CSMD2: variants seen among roughly 807,000 people sequenced by gnomAD.
CSMD2 encodes the protein CUB and Sushi multiple domains 2, also known as CUB and sushi domain-containing protein 2.
Under a neutral mutation model 398.5 loss-of-function variants are expected in CSMD2, and 130 were observed. That is an observed-to-expected ratio of 0.33 (90% CI 0.28 to 0.38). The LOEUF (loss-of-function observed/expected upper bound fraction) is 0.38. Among genes scored for constraint, CSMD2 ranks in the 10% least tolerant of loss-of-function variants. The pLI is 1.00. For missense variants in CSMD2, 3,829 were observed against 4,764.9 expected (o/e 0.80, Z 5.78); for synonymous variants, 1,828 against 1,908.5 (o/e 0.96, Z 1.10).
chr1:34,090,713 T>C (rs1478466438), intron 1 of CSMD2, among the ~76,000 whole-genome samples: 1 of 152,198 alleles, frequency 6.6e-6, no homozygotes, highest in Non-Finnish European at 1.5e-5. Flanking sequence ...TATTAACTCC[T>C]AACTGGTCAG....
chr1:34,094,294 CT>C (rs1659006796), intron 1 of CSMD2, among the ~76,000 whole-genome samples: 1 of 152,126 alleles, frequency 6.6e-6, no homozygotes, highest in African/African-American at 2.4e-5. Flanking sequence ...GTAGCAGCCA[CT>C]GCAAAATCAT....
At position 33,636,312 on chromosome 1, in the gene CSMD2, G is replaced by C. The variant is rs773492062; in HGVS notation, c.4969+48C>G. 14 of 1,511,728 alleles carry C rather than the reference G, an allele frequency of 9.3e-6. No individual in the cohort carries two copies. In the Admixed American group the frequency reaches 2.2e-4, roughly 24 times the overall value. The allele number at this position is 1,511,728 out of a possible 1,614,324, so 93.6% of individuals were successfully genotyped here. ...CAGCCCACAGCACCCTCTGCCCCTG[G>C]CATGCCCTCAGTTCCTCAGACCCCT... On this transcript the variant is annotated intron_variant, in intron 30 of 70. Transcript: ENST00000373381. The surrounding 1 kb of genome is among the most constrained non-coding windows in gnomAD (Gnocchi z 4.8).
intron 14 of CSMD2, among the ~76,000 whole-genome samples, chr1:33,741,441 C>T (rs1647064261): frequency 6.6e-6 from 1 of 152,024 alleles, no homozygotes; most frequent in South Asian, 2.1e-4. Flanking sequence ...ATTCTGGGGC[C>T]CCATCCCTTT....
chr1:33,918,883 G>A (rs1643858500), intron 4 of CSMD2, among the ~76,000 whole-genome samples: 1 of 152,202 alleles, frequency 6.6e-6, no homozygotes, highest in Non-Finnish European at 1.5e-5. Context: ...AACTGAATTA[G>A]ATAGTTAATG....
At position 33,633,750 on chromosome 1, in the gene CSMD2, C is replaced by A. The variant is rs537307615; in HGVS notation, c.5087-215G>T. Among the ~76,000 whole-genome samples the A allele has an allele frequency of 6.6e-6, 1 of 152,242 alleles. No homozygotes were observed. Among genetic ancestry groups the A allele is most frequent in the South Asian group, 2.1e-4 (1 of 4,818 alleles). On this transcript the variant is annotated intron_variant, in intron 31 of 70. Transcript: ENST00000373381. This position sits in a 1 kb window ranked among gnomAD's most constrained non-coding sequence, Gnocchi z 5.0. ...CGGGGAGCTGGGAAGGCCGGGCTGG[C>A]CTTCACAAGGGTCAAGACAACATGG...
At chr1:34,079,504 T>C (rs1571032368) in intron 2 of CSMD2, among the ~76,000 whole-genome samples, 2 of 152,206 alleles carry the variant, frequency 1.3e-5, no homozygotes, top group Admixed American at 6.5e-5. Context: ...AAAATTTCCA[T>C]GTCAAGATGA....
chr1:33,777,845 T>C (rs1237926315), intron 12 of CSMD2, among the ~76,000 whole-genome samples: 11 of 152,214 alleles, frequency 7.2e-5, no homozygotes, highest in Non-Finnish European at 1.6e-4. Context: ...GGTTTTTCCA[T>C]TTCTAATACC....
At chr1:34,162,272 G>A (rs1183585301) in intron 1 of CSMD2, among the ~76,000 whole-genome samples, 1 of 151,688 alleles carries the variant, frequency 6.6e-6, no homozygotes, top group Admixed American at 6.6e-5. Context: ...GGGAGGGGGA[G>A]TGCAAGGCAG....
intron 2 of CSMD2, among the ~76,000 whole-genome samples, chr1:34,064,213 T>A (rs546381785): frequency 1.1e-4 from 16 of 152,372 alleles, no homozygotes; most frequent in Middle Eastern, 3.4e-3. Context: ...TTGTTACTTA[T>A]GCAAATTTTT....
At chr1:34,045,766 C>T (rs182730845) in intron 2 of CSMD2, among the ~76,000 whole-genome samples, 9 of 152,334 alleles carry the variant, frequency 5.9e-5, no homozygotes, top group East Asian at 1.9e-4. Flanking sequence ...TAAGCACACT[C>T]GCTCCATCAA....
intron 46 of CSMD2, among the ~76,000 whole-genome samples, chr1:33,584,143 C>T (rs370077804): frequency 2.0e-5 from 3 of 152,166 alleles, no homozygotes; most frequent in Non-Finnish European, 4.4e-5. Flanking sequence ...AGTAAGGCTT[C>T]CCCAGATCCA....
chr1:34,014,673 AC>A (rs1476345757), intron 3 of CSMD2, among the ~76,000 whole-genome samples: 1 of 152,206 alleles, frequency 6.6e-6, no homozygotes, highest in Non-Finnish European at 1.5e-5. Flanking sequence ...CCTCCACTAG[AC>A]CATGATTGCC....
intron 1 of CSMD2, among the ~76,000 whole-genome samples, chr1:34,110,946 T>C (rs1661021901): frequency 6.6e-6 from 1 of 152,138 alleles, no homozygotes; most frequent in African/African-American, 2.4e-5. Context: ...AACCCCCTAC[T>C]TCCATCGCTG....
At chr1:33,783,448 TC>T (rs1653074822) in intron 12 of CSMD2, among the ~76,000 whole-genome samples, 1 of 140,172 alleles carries the variant, frequency 7.1e-6, no homozygotes, top group African/African-American at 3.1e-5. Context: ...TCTCTCTCTC[TC>T]TCTCTCTCTC....
chr1:33,875,185 T>C (rs1215088259), intron 5 of CSMD2, among the ~76,000 whole-genome samples: 2 of 152,078 alleles, frequency 1.3e-5, no homozygotes, highest in African/African-American at 4.8e-5. Context: ...GCAAAACAGA[T>C]TTTTCTAGGT....
At chr1:33,833,370 C>T (rs1191252225) in intron 6 of CSMD2, among the ~76,000 whole-genome samples, 1 of 148,178 alleles carries the variant, frequency 6.7e-6, no homozygotes, top group African/African-American at 2.5e-5. Context: ...TAAATGTAAT[C>T]CAGCATATAA....
intron 11 of CSMD2, 78 bp downstream of exon 11, chr1:33,792,345 G>T: frequency 1.1e-6 from 1 of 926,236 alleles, no homozygotes; most frequent in Non-Finnish European, 1.8e-6. Context: ...CTAGGGACCA[G>T]GCAGGACTCC....
intron 13 of CSMD2, among the ~76,000 whole-genome samples, chr1:33,746,031 A>C (rs1216623553): frequency 6.6e-6 from 1 of 152,170 alleles, no homozygotes; most frequent in African/African-American, 2.4e-5. Flanking sequence ...GATTCTAGAG[A>C]CCAAGCTCTT....
chr1:33,886,011 T>C (rs756461636), intron 5 of CSMD2, among the ~76,000 whole-genome samples: 2 of 152,168 alleles, frequency 1.3e-5, no homozygotes, highest in Non-Finnish European at 2.9e-5. Context: ...ATCGAGTGCT[T>C]AGCCTGGCCC....
Sources: gnomAD v4.1 joint callset for allele counts (sites outside exome capture counted in the v4.1 genomes callset) on GRCh38, gnomAD v4.1.1 for gene constraint, Gnocchi (gnomAD v3.1) non-coding constraint, MANE v1.5 for transcripts, NCBI Gene and HGNC (gene_info 2026-07-23, HGNC 2026-07-21) for gene names.